The following PKN2 variants were observed in gnomAD, a reference collection of about 807,000 sequenced individuals.
The protein encoded by PKN2 is protein kinase N2, also known as serine/threonine-protein kinase N2.
Under a neutral mutation model 119.1 loss-of-function variants are expected in PKN2, and 38 were observed. The ratio of observed to expected loss-of-function variants is 0.32; its 90% CI spans 0.25 to 0.42. The LOEUF (loss-of-function observed/expected upper bound fraction) is 0.42, where lower values mean the gene tolerates loss of function less well. PKN2 is among the 10% of genes least tolerant of loss of function. PKN2 has a pLI of 1.00. For missense variants in PKN2, 850 were observed against 1,165.1 expected, an observed-to-expected ratio of 0.73 and a Z score of 3.94; for synonymous variants, 390 against 384.9, an observed-to-expected ratio of 1.01 and a Z score of -0.15.
chr1:88,752,414 T>C (rs1436898633), intron 2 of PKN2, among the ~76,000 whole-genome samples: 2 of 152,164 alleles, frequency 1.3e-5, no homozygotes, highest in African/African-American at 4.8e-5. Context: ...GTAAAATCTT[T>C]ACAAGGCTAG....
intron 1 of PKN2, among the ~76,000 whole-genome samples, chr1:88,701,640 G>A (rs1450250741): frequency 1.3e-5 from 2 of 152,136 alleles, no homozygotes; most frequent in Non-Finnish European, 2.9e-5. Flanking sequence ...AAAATGCCCA[G>A]CTATTGGGTA....
intron 1 of PKN2, among the ~76,000 whole-genome samples, chr1:88,695,289 A>G (rs1162799206): frequency 6.6e-6 from 1 of 152,204 alleles, no homozygotes; most frequent in African/African-American, 2.4e-5. Context: ...ATTAATTAAA[A>G]TTAATCATTT....
intron 18 of PKN2, among the ~76,000 whole-genome samples, chr1:88,827,741 C>T (rs1352282648): frequency 4.7e-5 from 7 of 149,894 alleles, no homozygotes; most frequent in African/African-American, 1.7e-4. Context: ...TTTTTTGAGA[C>T]AGAGTTTTGC....
chr1:88,755,824 ATTGTT>A (rs1447258296), intron 2 of PKN2, among the ~76,000 whole-genome samples: 1 of 152,008 alleles, frequency 6.6e-6, no homozygotes. Flanking sequence ...TATTCCTGTA[ATTGTT>A]ATTAAAACTG....
chr1:88,807,560 G>C lies in PKN2; in HGVS notation c.1966G>C (p.Asp656His). 1 of 1,612,510 alleles carries C rather than the reference G, an allele frequency of 6.2e-7. No homozygotes were observed. The highest frequency in any genetic ancestry group is 8.5e-7 in the Non-Finnish European group (1 of 1,179,114). ...SQQRFQFNLQ[D>H]FRCCAVLGRG... ...GCAAAGGTTTCAGTTTAATCTACAA[G>C]ATTTCAGGTGTTGTGCTGTCTTGGG... Residue 656 changes from aspartate (D) to histidine (H), a missense_variant, in exon 14 of 22, where the codon GAT (aspartate) becomes CAT (histidine). Physicochemically the swap from Asp to His is moderately conservative, Grantham distance 81. Around this residue, in one of 9 missense-constraint regions of PKN2, gnomAD observed 216 missense variants for 252.8 expected, o/e 0.85. Transcript: ENST00000370521.
At chr1:88,786,447 CAT>C (rs1670576808) in intron 8 of PKN2, among the ~76,000 whole-genome samples, 1 of 152,044 alleles carries the variant, frequency 6.6e-6, no homozygotes, top group Non-Finnish European at 1.5e-5. Flanking sequence ...ATGTTTCATT[CAT>C]AGCAAACTTA....
At position 88,833,528 on chromosome 1, in the gene PKN2, A is replaced by G; in HGVS notation, c.*80A>G. On this transcript the variant is annotated 3_prime_UTR_variant, in exon 22 of 22. Transcript: ENST00000370521. ...CAACCCTTCATTTGCTCTCTGTGCC[A>G]CCAATAGCTTCTGAGTTTTTTGTTG... 2.9e-6 allele frequency: 3 copies of G among 1,035,424 alleles called. No homozygotes were observed. In the South Asian group the frequency reaches 4.2e-5, roughly 15 times the overall value. The allele number at this position is 1,035,424 out of a possible 1,614,324, so 64.1% of individuals were successfully genotyped here.
chr1:88,725,751 G>A (rs1458670447), intron 1 of PKN2, among the ~76,000 whole-genome samples: 2 of 151,954 alleles, frequency 1.3e-5, no homozygotes, highest in East Asian at 3.9e-4. Flanking sequence ...TTTTTTGTTT[G>A]TTTGCTTATT....
At chr1:88,753,204 A>G (rs985086111) in intron 2 of PKN2, among the ~76,000 whole-genome samples, 4 of 152,138 alleles carry the variant, frequency 2.6e-5, no homozygotes, top group Non-Finnish European at 5.9e-5. Context: ...CGTTGTAATT[A>G]TATTTTTTAA....
Position 88,767,612 on chromosome 1 carries a change from A to G in PKN2, c.505-2740A>G, listed in dbSNP as rs763999761. ...AGGCAATTGTAACACAATGGTAAGT[A>G]CTTGCATATCTAAATATATCTAAAC... On this transcript the variant is annotated intron_variant, in intron 3 of 21. Coordinates refer to ENST00000370521, the MANE Select transcript of PKN2 (RefSeq NM_006256.4). 6.6e-5 allele frequency among the ~76,000 whole-genome samples: 10 copies of G among 152,344 alleles called. No individual in the cohort carries two copies. In the Middle Eastern group the frequency reaches 0.014, roughly 207 times the overall value.
chr1:88,791,450 G>T (rs1440808172), intron 8 of PKN2, among the ~76,000 whole-genome samples: 2 of 151,538 alleles, frequency 1.3e-5, no homozygotes, highest in Non-Finnish European at 2.9e-5. Flanking sequence ...AAAAAGCTGT[G>T]TGTGTGGAGT....
At chr1:88,758,496 C>G (rs112183970) in intron 2 of PKN2, among the ~76,000 whole-genome samples, 4,860 of 152,030 alleles carry the variant, frequency 0.032, 255 homozygotes, top group African/African-American at 0.11. Context: ...GCCTAGTACT[C>G]CATAGTTGTT....
At chr1:88,757,275 A>G (rs1430946455) in intron 2 of PKN2, among the ~76,000 whole-genome samples, 2 of 152,214 alleles carry the variant, frequency 1.3e-5, no homozygotes, top group East Asian at 1.9e-4. Flanking sequence ...CGCAGATATC[A>G]TTAACTAAAG....
chr1:88,776,086 T>A (rs988389583), intron 6 of PKN2, among the ~76,000 whole-genome samples: 3 of 148,542 alleles, frequency 2.0e-5, no homozygotes, highest in South Asian at 2.1e-4. Context: ...CCAGCCTGGG[T>A]GACAGAGCGA....
intron 1 of PKN2, among the ~76,000 whole-genome samples, chr1:88,724,640 C>G (rs1667823843): frequency 6.7e-6 from 1 of 149,978 alleles, no homozygotes; most frequent in Non-Finnish European, 1.5e-5. Flanking sequence ...GGCATGATCT[C>G]TGCTCCCTGC....
At chr1:88,707,582 G>A (rs544018288) in intron 1 of PKN2, among the ~76,000 whole-genome samples, 2 of 152,024 alleles carry the variant, frequency 1.3e-5, no homozygotes, top group Non-Finnish European at 2.9e-5. Flanking sequence ...CTGAGCAAAC[G>A]AATATCTTCA....
chr1:88,754,032 G>A (rs1353897580), intron 2 of PKN2, among the ~76,000 whole-genome samples: 3 of 152,096 alleles, frequency 2.0e-5, no homozygotes, highest in East Asian at 1.9e-4. Context: ...TGTCTTTGAT[G>A]TTCTGAAGTT....
At position 88,835,543 on chromosome 1, in the gene PKN2, T is replaced by G. The variant is rs982876553; in HGVS notation, c.*2095T>G. The G allele has an allele frequency of 1.3e-5, 2 of 152,298 alleles. No homozygotes were observed. Among genetic ancestry groups the G allele is most frequent in the African/African-American group, 4.8e-5 (2 of 41,412 alleles). The allele number at this position is 152,298 out of a possible 1,614,324, so 9.4% of individuals were successfully genotyped here. A position where few individuals can be genotyped will look rare whatever the true frequency, so the allele number is the denominator to read the frequency against. Reference sequence around the variant, plus strand: ...CAATTAAGCTGAAGAAAGCACTAATTTTTTGTAGTTTAAAATATATATATA... The same window carrying G: ...CAATTAAGCTGAAGAAAGCACTAATGTTTTGTAGTTTAAAATATATATATA... On this transcript the variant is annotated 3_prime_UTR_variant, in exon 22 of 22. Transcript: ENST00000370521.
intron 3 of PKN2, among the ~76,000 whole-genome samples, chr1:88,767,998 T>G (rs1022639553): frequency 3.9e-5 from 6 of 152,200 alleles, no homozygotes; most frequent in African/African-American, 1.4e-4. Flanking sequence ...TTTATCCAAA[T>G]TAGTACTGAT....
Sources: allele counts gnomAD v4.1 joint callset (sites outside exome capture counted in the v4.1 genomes callset), GRCh38; gene constraint gnomAD v4.1.1; regional missense constraint gnomAD v4.1.1; transcripts MANE v1.5; gene names NCBI Gene and HGNC (gene_info 2026-07-23, HGNC 2026-07-21).